DCUN1D1: variants seen among roughly 807,000 people sequenced by gnomAD.
The protein encoded by DCUN1D1 is DCN1-like protein 1.
DCUN1D1 carries 3 observed loss-of-function variants against 39.0 expected under a neutral mutation model. That is an observed-to-expected ratio of 0.08 (90% CI 0.04 to 0.20). The LOEUF is 0.20. Among genes scored for constraint, DCUN1D1 ranks in the 10% least tolerant of loss-of-function variants. The pLI, the probability that DCUN1D1 is intolerant of heterozygous loss-of-function variation, is 1.00. For missense variants in DCUN1D1, 158 were observed against 302.4 expected (o/e 0.52, Z 3.54); for synonymous variants, 82 against 96.3 (o/e 0.85, Z 0.87).
At position 182,945,179 on chromosome 3, in the gene DCUN1D1, A is replaced by C; in HGVS notation, c.701-6T>G. The C allele has an allele frequency of 6.3e-7, 1 of 1,592,196 alleles. No homozygotes were observed. The highest frequency in any genetic ancestry group is 1.2e-5 in the South Asian group (1 of 86,696). On this transcript the variant is annotated splice_polypyrimidine_tract_variant and splice_region_variant and intron_variant, in intron 6 of 6. Transcript: ENST00000292782. Reference sequence around the variant, plus strand: ...AATAAGAACAGGCCATGCTCCTGGAAAAAAGAAAAAATATGAAAGAAAGAG... The same window carrying C: ...AATAAGAACAGGCCATGCTCCTGGACAAAAGAAAAAATATGAAAGAAAGAG...
In DCUN1D1 at chr3:182,940,978, A is replaced by T. The variant is rs972152485; in HGVS notation, c.*4116T>A. 1.3e-5 allele frequency: 2 copies of T among 152,192 alleles called. No individual in the cohort carries two copies. Among genetic ancestry groups the T allele is most frequent in the East Asian group, 3.8e-4 (2 of 5,196 alleles). 9.4% of individuals were successfully genotyped at this position (152,192 alleles called of 1,614,324 possible). On this transcript the variant is annotated 3_prime_UTR_variant, in exon 7 of 7. Coordinates refer to ENST00000292782, the MANE Select transcript of DCUN1D1 (RefSeq NM_020640.4). ...CAAAGGCTGTGCATCTTTTACCATAACTTCCTTATTTGTGACAGATTTTTC... is the reference window on the plus strand; with the variant it reads ...CAAAGGCTGTGCATCTTTTACCATATCTTCCTTATTTGTGACAGATTTTTC...
intron 1 of DCUN1D1, among the ~76,000 whole-genome samples, chr3:182,976,046 C>T (rs1301437867): frequency 1.3e-5 from 2 of 151,978 alleles, no homozygotes; most frequent in African/African-American, 4.8e-5. Context: ...AGAACATATT[C>T]AACAATCTAT....
upstream of DCUN1D1, chr3:182,980,691 T>G: frequency 8.9e-6 from 4 of 447,438 alleles, no homozygotes; most frequent in Non-Finnish European, 1.2e-5. Context: ...GCGCGGGGCT[T>G]CCCCCGGGCG....
At chr3:182,960,209 G>GTGAT (rs1180182431) in intron 4 of DCUN1D1, among the ~76,000 whole-genome samples, 1 of 152,004 alleles carries the variant, frequency 6.6e-6, no homozygotes, top group Non-Finnish European at 1.5e-5. Context: ...TTAAATGGAA[G>GTGAT]TTATCACCAT....
At chr3:182,975,579 A>C (rs563083244) in intron 1 of DCUN1D1, among the ~76,000 whole-genome samples, 55 of 152,094 alleles carry the variant, frequency 3.6e-4, no homozygotes, top group Non-Finnish European at 6.5e-4. Flanking sequence ...ATTTGATTGG[A>C]TATGGAAACA....
intron 1 of DCUN1D1, among the ~76,000 whole-genome samples, chr3:182,970,088 C>T (rs73177385): frequency 0.087 from 13,242 of 151,910 alleles, 612 homozygotes; most frequent in Middle Eastern, 0.16. Flanking sequence ...ATGAGACTGT[C>T]GCTACAAAAA....
At chr3:182,947,096 T>C in intron 6 of DCUN1D1, 142 bp downstream of exon 6, 2 of 583,274 alleles carry the variant, frequency 3.4e-6, no homozygotes, top group East Asian at 2.9e-5. Flanking sequence ...AATGAGACTC[T>C]ATCTCAAAAA....
chr3:182,965,610 T>C lies in DCUN1D1; in HGVS notation c.147A>G (p.Glu49=). The change falls in exon 2 of 7, where the codon GAA becomes GAG. Residue 49 remains glutamate, a synonymous_variant. Transcript: ENST00000292782. ...VATDNFFQNP[E]LYIRESVKGS... ...CTTTTACACTCTCTCGTATATAAAG[T>C]TCAGGATTTTGGAAAAAATTATCTG... The C allele has an allele frequency of 1.2e-6, 2 of 1,613,828 alleles. No individual in the cohort carries two copies. The highest frequency in any genetic ancestry group is 8.5e-7 in the Non-Finnish European group (1 of 1,179,840).
chr3:182,967,151 TATATATA>T (rs1335774150), intron 1 of DCUN1D1, among the ~76,000 whole-genome samples: 2 of 115,616 alleles, frequency 1.7e-5, no homozygotes, highest in African/African-American at 5.3e-5. Context: ...TATATATATA[TATATATA>T]TTTTCTGTGG....
In DCUN1D1 at chr3:182,980,467, G is replaced by C. The variant is rs767137420; in HGVS notation, c.3+20C>G. 1.4e-5 allele frequency: 16 copies of C among 1,172,232 alleles called. No individual in the cohort carries two copies. The highest frequency in any genetic ancestry group is 1.7e-5 in the Non-Finnish European group (16 of 937,778). The allele number at this position is 1,172,232 out of a possible 1,614,324, so 72.6% of individuals were successfully genotyped here. ...CCGGCCCCCAGCCGGCAGGGCGGGC[G>C]GGCGGCCGCAGTGCCTCACCATGTT... On this transcript the variant is annotated intron_variant, in intron 1 of 6. Coordinates refer to ENST00000292782, the MANE Select transcript of DCUN1D1 (RefSeq NM_020640.4).
rs1436776227 is a variant in DCUN1D1 at position 182,943,734 on chromosome 3, C to T, written c.*1360G>A. Reference sequence around the variant, plus strand: ...TTTAAGAAAGCAAGAAACCCTTCTTCACATGTCAGTAAGTGAACAGGGAAA... The same window carrying T: ...TTTAAGAAAGCAAGAAACCCTTCTTTACATGTCAGTAAGTGAACAGGGAAA... On this transcript the variant is annotated 3_prime_UTR_variant, in exon 7 of 7. Coordinates refer to ENST00000292782, the MANE Select transcript of DCUN1D1 (RefSeq NM_020640.4). 1 of 152,546 alleles carries T rather than the reference C, an allele frequency of 6.6e-6. No individual in the cohort carries two copies. The highest frequency in any genetic ancestry group is 1.5e-5 in the Non-Finnish European group (1 of 68,004). The allele number at this position is 152,546 out of a possible 1,614,324, so 9.4% of individuals were successfully genotyped here. A position where few individuals can be genotyped will look rare whatever the true frequency, so the allele number is the denominator to read the frequency against.
chr3:182,949,461 T>C (rs1433312979), intron 4 of DCUN1D1, among the ~76,000 whole-genome samples: 2 of 152,120 alleles, frequency 1.3e-5, no homozygotes, highest in Non-Finnish European at 2.9e-5. Context: ...GGCTCATGCC[T>C]GTAATCCCAT....
At chr3:182,947,477 C>T (rs971320559) in intron 5 of DCUN1D1, 73 bp downstream of exon 5, 79 of 1,115,878 alleles carry the variant, frequency 7.1e-5, no homozygotes, top group Non-Finnish European at 9.3e-5. Context: ...ATATCCAATA[C>T]ATTATGTTAA....
At chr3:182,974,717 C>T (rs1044137926) in intron 1 of DCUN1D1, among the ~76,000 whole-genome samples, 8 of 151,142 alleles carry the variant, frequency 5.3e-5, no homozygotes, top group African/African-American at 1.9e-4. Flanking sequence ...CTGTGTACTT[C>T]AGCAACTTAT....
rs1472803310 is a variant in DCUN1D1 at position 182,964,647 on chromosome 3, T to TTC, written c.221-599_221-598insGA. 2.1e-5 allele frequency among the ~76,000 whole-genome samples: 3 copies of TTC among 144,752 alleles called. No homozygotes were observed. The East Asian group carries it at 5.9e-4, about 28-fold the overall frequency. 95.0% of individuals were successfully genotyped at this position (144,752 alleles called of 152,430 possible). On this transcript the variant is annotated intron_variant, in intron 2 of 6. Coordinates refer to ENST00000292782, the MANE Select transcript of DCUN1D1 (RefSeq NM_020640.4). Reference sequence around the variant, plus strand: ...TACTAACACCTTTCTTTTTTTTTTTTTTTTTTTTTTTGAGACGGAGTCTCA... The same window carrying TTC: ...TACTAACACCTTTCTTTTTTTTTTTTTCTTTTTTTTTTTGAGACGGAGTCTCA...
chr3:182,969,043 G>C (rs1199077477), intron 1 of DCUN1D1, among the ~76,000 whole-genome samples: 1 of 152,140 alleles, frequency 6.6e-6, no homozygotes, highest in Admixed American at 6.5e-5. Flanking sequence ...TGACAGTACG[G>C]ACTCCAGCTA....
intron 1 of DCUN1D1, among the ~76,000 whole-genome samples, chr3:182,976,190 A>C (rs1728231624): frequency 6.6e-6 from 1 of 152,162 alleles, no homozygotes; most frequent in Non-Finnish European, 1.5e-5. Context: ...TGCATGGTAA[A>C]GAAAACTGTA....
intron 6 of DCUN1D1, 144 bp downstream of exon 6, chr3:182,947,092 ACT>A: frequency 1.7e-6 from 1 of 578,396 alleles, no homozygotes; most frequent in South Asian, 2.3e-5. Flanking sequence ...ACAGAATGAG[ACT>A]CTATCTCAAA....
At position 182,943,180 on chromosome 3, in the gene DCUN1D1, C is replaced by A. The variant is rs2108617063; in HGVS notation, c.*1914G>T. On this transcript the variant is annotated 3_prime_UTR_variant, in exon 7 of 7. Transcript: ENST00000292782. ...CAAAACACAGCATATGTGAATTAAT[C>A]AATCTGAAACCAATAACCATAACTC... 1 of 126,106 alleles carries A rather than the reference C, an allele frequency of 7.9e-6. No individual in the cohort carries two copies. The highest frequency in any genetic ancestry group is 1.6e-5 in the Non-Finnish European group (1 of 61,442). 7.8% of individuals were successfully genotyped at this position (126,106 alleles called of 1,614,324 possible).
Sources: gnomAD v4.1 joint callset for allele counts (sites outside exome capture counted in the v4.1 genomes callset) on GRCh38, gnomAD v4.1.1 for gene constraint, MANE v1.5 for transcripts, NCBI Gene and HGNC (gene_info 2026-07-23, HGNC 2026-07-21) for gene names.